The following KCNK17 variants were observed in gnomAD, a reference collection of about 807,000 sequenced individuals.
KCNK17 encodes the protein potassium channel subfamily K member 17.
In KCNK17, 27 loss-of-function variants were observed where a neutral mutation model predicts 24.6. The observed-to-expected ratio is 1.10, with a 90% CI of 0.81 to 1.51. The LOEUF (loss-of-function observed/expected upper bound fraction) is 1.51. Ranked by LOEUF, KCNK17 falls within the 40% of genes most tolerant of loss-of-function variation. The pLI, the probability that KCNK17 is intolerant of heterozygous loss-of-function variation, is 0.00. For missense variants in KCNK17, 450 were observed against 436.6 expected, an observed-to-expected ratio of 1.03 and a Z score of -0.27; for synonymous variants, 181 against 189.8, an observed-to-expected ratio of 0.95 and a Z score of 0.38.
Position 39,302,454 on chromosome 6 carries a change from T to C in KCNK17, c.688+1503A>G, listed in dbSNP as rs151224110. 4.5e-4 allele frequency among the ~76,000 whole-genome samples: 69 copies of C among 152,290 alleles called. 1 individual carries two copies. The East Asian group carries it at 0.013, about 28-fold the overall frequency. On this transcript the variant is annotated intron_variant, in intron 4 of 4. Coordinates refer to ENST00000373231, the MANE Select transcript of KCNK17 (RefSeq NM_031460.4). ...CAGAGGAGCTGGGCAGGTGACATCA[T>C]AGCCTTTGTAATTTTTAAAGGTCAT...
intron 2 of KCNK17, 77 bp from the exon 3 acceptor site, chr6:39,304,732 CCCAA>C (rs1266756609): frequency 5.3e-6 from 8 of 1,496,678 alleles, no homozygotes; most frequent in Non-Finnish European, 7.4e-6. Flanking sequence ...CACTCCTGGG[CCCAA>C]CCCCCAGGGC....
intron 2 of KCNK17, among the ~76,000 whole-genome samples, chr6:39,309,464 G>C (rs1466814928): frequency 6.6e-6 from 1 of 152,232 alleles, no homozygotes; most frequent in African/African-American, 2.4e-5. Flanking sequence ...CTGTGTGTGT[G>C]GGGTGGGGCA....
chr6:39,300,347 C>T (rs1372164135), intron 4 of KCNK17: 2 of 788,792 alleles, frequency 2.5e-6, no homozygotes, highest in Non-Finnish European at 4.4e-6. Flanking sequence ...TGGTCTTGAA[C>T]TCCTGAGCTC....
Position 39,303,479 on chromosome 6 carries a change from A to G in KCNK17, c.688+478T>C, listed in dbSNP as rs1199187388. ...ACCCACCCTGGGTCCACTGACCATG[A>G]GGCCCTTTCTTGCTGGCACTCAGAA... is the stretch of plus-strand genomic sequence containing the variant. On this transcript the variant is annotated intron_variant, in intron 4 of 4. Coordinates refer to ENST00000373231, the MANE Select transcript of KCNK17 (RefSeq NM_031460.4). Among the ~76,000 whole-genome samples the G allele has an allele frequency of 3.3e-5, 5 of 152,200 alleles. No individual in the cohort carries two copies. The East Asian group carries it at 9.6e-4, about 29-fold the overall frequency.
intron 2 of KCNK17, among the ~76,000 whole-genome samples, chr6:39,310,497 A>G (rs191514560): frequency 1.3e-5 from 2 of 151,814 alleles, no homozygotes; most frequent in African/African-American, 4.8e-5. Flanking sequence ...CTTTCCCTCC[A>G]CTTCTCCCGA....
chr6:39,299,761 G>A (rs199667835), intron 4 of KCNK17, 24 bp from the exon 5 acceptor site: 362 of 1,602,590 alleles, frequency 2.3e-4, no homozygotes, highest in Non-Finnish European at 3.0e-4. Flanking sequence ...AAGGTCAGAC[G>A]ATGGAGGCCT....
intron 1 of KCNK17, among the ~76,000 whole-genome samples, chr6:39,313,645 C>T (rs970042879): frequency 5.9e-5 from 9 of 152,170 alleles, no homozygotes; most frequent in African/African-American, 2.2e-4. Context: ...CCAGGTGTGG[C>T]GTTTAGCTCT....
Position 39,314,220 on chromosome 6 carries a change from G to T in KCNK17, c.101C>A (p.Ala34Glu), listed in dbSNP as rs1297047843. 4 of 1,539,844 alleles carry T rather than the reference G, an allele frequency of 2.6e-6. No individual in the cohort carries two copies. The highest frequency in any genetic ancestry group is 3.5e-6 in the Non-Finnish European group (4 of 1,147,154). The stretch of plus-strand genomic sequence containing the variant: ...CGTCCAGAACACGCCGGTGCCCAGC[G>T]CCAGGTAAGCCAGGTAGGCGAGCAG... ...LLLLAYLAYLALGTGVFWTLE... is the reference protein window; with the variant it reads ...LLLLAYLAYLELGTGVFWTLE... The change falls in exon 1 of 5, where the codon GCG becomes GAG. Residue 34 changes from alanine to glutamate, a missense_variant. Physicochemically the swap from Ala to Glu is moderately radical, Grantham distance 107. Coordinates refer to ENST00000373231, the MANE Select transcript of KCNK17 (RefSeq NM_031460.4).
chr6:39,308,782 G>A (rs1762079431), intron 2 of KCNK17, among the ~76,000 whole-genome samples: 1 of 152,204 alleles, frequency 6.6e-6, no homozygotes, highest in African/African-American at 2.4e-5. Flanking sequence ...CGAAGAGGCT[G>A]CCCTCTGCTG....
At position 39,300,283 on chromosome 6, in the gene KCNK17, C is replaced by T. The variant is rs143476087; in HGVS notation, c.689-546G>A. The T allele has an allele frequency of 8.4e-3, 4,969 of 589,568 alleles. 175 individuals carry two copies. The highest frequency in any genetic ancestry group is 0.075 in the African/African-American group (4,008 of 53,352). The allele number at this position is 589,568 out of a possible 1,614,324, so 36.5% of individuals were successfully genotyped here. ...GACTACAGGCGCCTGCCGCCACGCC[C>T]GGCTATTTTTTTGTATTTTAGTAGA... On this transcript the variant is annotated intron_variant, in intron 4 of 4. Transcript: ENST00000373231.
chr6:39,300,229 T>G (rs2113833384), intron 4 of KCNK17: 2 of 518,650 alleles, frequency 3.9e-6, no homozygotes, highest in Non-Finnish European at 7.0e-6. Flanking sequence ...TTCAAGCGAT[T>G]CTCCTGCCTC....
intron 1 of KCNK17, among the ~76,000 whole-genome samples, chr6:39,312,227 G>T (rs571188242): frequency 6.9e-4 from 105 of 152,334 alleles, no homozygotes; most frequent in Non-Finnish European, 1.3e-3. Flanking sequence ...GGAGAAGCAG[G>T]GCTGGGAGGA....
In KCNK17 at chr6:39,299,739, T is replaced by C. The variant is rs751859980; in HGVS notation, c.689-2A>G. 4.9e-5 allele frequency: 79 copies of C among 1,611,586 alleles called. No homozygotes were observed. Among genetic ancestry groups the C allele is most frequent in the South Asian group, 3.1e-4 (28 of 90,858 alleles). On this transcript the variant is annotated splice_acceptor_variant, in intron 4 of 4. Transcript: ENST00000373231. LOFTEE classifies it high-confidence loss of function. The stretch of plus-strand genomic sequence containing the variant: ...GGTACCTCTGGGAGGGGTTCATTCC[T>C]GGGGAAGAGGCAAGGTCAGACGATG...
At chr6:39,305,152 C>T (rs1315908075) in intron 2 of KCNK17, among the ~76,000 whole-genome samples, 1 of 152,216 alleles carries the variant, frequency 6.6e-6, no homozygotes, top group Non-Finnish European at 1.5e-5. Context: ...CCCAGTGTGG[C>T]ACTCCTCTTT....
chr6:39,310,117 G>A (rs2113840008), intron 2 of KCNK17, among the ~76,000 whole-genome samples: 1 of 152,324 alleles, frequency 6.6e-6, no homozygotes, highest in South Asian at 2.1e-4. Context: ...ATACCAGCCT[G>A]CCACCTGGTG....
At position 39,314,411 on chromosome 6, in the gene KCNK17, C is replaced by T; in HGVS notation, c.-91G>A. The T allele has an allele frequency of 1.1e-6, 1 of 941,682 alleles. No homozygotes were observed. Among genetic ancestry groups the T allele is most frequent in the Admixed American group, 3.3e-5 (1 of 30,308 alleles). 58.3% of individuals were successfully genotyped at this position (941,682 alleles called of 1,614,324 possible). A position where few individuals can be genotyped will look rare whatever the true frequency, so the allele number is the denominator to read the frequency against. On this transcript the variant is annotated 5_prime_UTR_variant, in exon 1 of 5. Coordinates refer to ENST00000373231, the MANE Select transcript of KCNK17 (RefSeq NM_031460.4). ...GGCGTCCAGCTCGTATCTCCTCTCG[C>T]AAACGCCTGCTGGTGCCCGGTTTCG...
In KCNK17 at chr6:39,303,941, C is replaced by G; in HGVS notation, c.688+16G>C. On this transcript the variant is annotated intron_variant, in intron 4 of 4. Coordinates refer to ENST00000373231, the MANE Select transcript of KCNK17 (RefSeq NM_031460.4). ...AGCCGAATGTCCCCGCCAGCCCAAC[C>G]GCCAGGAACTCTCACCAATCACGTA... 4 of 1,608,710 alleles carry G rather than the reference C, an allele frequency of 2.5e-6. No individual in the cohort carries two copies. The highest frequency in any genetic ancestry group is 2.5e-6 in the Non-Finnish European group (3 of 1,178,870).
At chr6:39,306,045 C>CTTTTTT in intron 2 of KCNK17, among the ~76,000 whole-genome samples, 1 of 139,568 alleles carries the variant, frequency 7.2e-6, no homozygotes, top group East Asian at 2.1e-4. Context: ...GGGACTGGGT[C>CTTTTTT]TTTTTTTTTT....
Position 39,314,208 on chromosome 6 carries a change from C to A in KCNK17, c.113G>T (p.Gly38Val). Residue 38 changes from glycine (G) to valine (V), a missense_variant, in exon 1 of 5, where the codon GGC (glycine) becomes GTC (valine). Coordinates refer to ENST00000373231, the MANE Select transcript of KCNK17 (RefSeq NM_031460.4). ...GCGGCCCTCCAGCGTCCAGAACACG[C>A]CGGTGCCCAGCGCCAGGTAAGCCAG... Reference protein sequence around the residue: ...AYLAYLALGTGVFWTLEGRAA... With the variant: ...AYLAYLALGTVVFWTLEGRAA... 1 of 1,545,574 alleles carries A rather than the reference C, an allele frequency of 6.5e-7. No homozygotes were observed.
Sources: allele counts gnomAD v4.1 joint callset (sites outside exome capture counted in the v4.1 genomes callset), GRCh38; gene constraint gnomAD v4.1.1; transcripts MANE v1.5; gene names NCBI Gene and HGNC (gene_info 2026-07-23, HGNC 2026-07-21).